Variants in ARHGEF38 observed in about 807,000 individuals in gnomAD.
ARHGEF38 encodes Rho guanine nucleotide exchange factor (GEF) 38.
Under a neutral mutation model 79.9 loss-of-function variants are expected in ARHGEF38, and 79 were observed. The ratio of observed to expected loss-of-function variants is 0.99; its 90% CI spans 0.82 to 1.19. ARHGEF38 has a LOEUF of 1.19. ARHGEF38 is among the 50% of genes most tolerant of loss of function. The pLI, the probability that ARHGEF38 is intolerant of heterozygous loss-of-function variation, is 0.00. For missense variants in ARHGEF38, 962 were observed against 907.2 expected (o/e 1.06, Z -0.78); for synonymous variants, 366 against 328.3 (o/e 1.11, Z -1.24).
chr4:105,633,038 T>C (rs1729258231), intron 4 of ARHGEF38: 1 of 152,808 alleles, frequency 6.5e-6, no homozygotes, highest in Non-Finnish European at 1.5e-5. Flanking sequence ...ACCCAATGGC[T>C]TATTTGGTCT....
intron 4 of ARHGEF38, among the ~76,000 whole-genome samples, chr4:105,635,113 TATA>T (rs1274333444): frequency 3.3e-5 from 5 of 152,148 alleles, no homozygotes; most frequent in Non-Finnish European, 7.4e-5. Flanking sequence ...TGAGTCAAAG[TATA>T]ATGTGTTCAT....
chr4:105,589,152 T>C (rs1266507751), intron 1 of ARHGEF38, 96 bp from the exon 2 acceptor site: 21 of 979,788 alleles, frequency 2.1e-5, no homozygotes, highest in Non-Finnish European at 3.1e-5. Context: ...TTCAGCCTTT[T>C]TCCTTGTTAA....
chr4:105,666,156 C>T, intron 10 of ARHGEF38, 21 bp from the exon 11 acceptor site: 2 of 1,499,394 alleles, frequency 1.3e-6, no homozygotes, highest in Non-Finnish European at 1.8e-6. Context: ...GGAAACAATG[C>T]CATATTATTT....
chr4:105,668,034 G>A (rs1730817846), intron 13 of ARHGEF38, among the ~76,000 whole-genome samples: 1 of 151,984 alleles, frequency 6.6e-6, no homozygotes, highest in Admixed American at 6.6e-5. Context: ...AAGAAAAGTA[G>A]TTCAATACTG....
At chr4:105,682,338 G>A (rs1055110921), downstream of ARHGEF38, 4 of 159,828 alleles carry the variant, frequency 2.5e-5, no homozygotes, top group Non-Finnish European at 4.1e-5. Context: ...CCCAGAATAC[G>A]GGGAGGAAAA....
intron 13 of ARHGEF38, among the ~76,000 whole-genome samples, chr4:105,676,955 G>A (rs1731144325): frequency 6.7e-6 from 1 of 150,086 alleles, no homozygotes; most frequent in Non-Finnish European, 1.5e-5. Flanking sequence ...TTTTGTTGTT[G>A]TTTTGTGTTT....
intron 2 of ARHGEF38, among the ~76,000 whole-genome samples, chr4:105,593,389 A>G (rs370716718): frequency 1.3e-5 from 2 of 151,966 alleles, no homozygotes; most frequent in South Asian, 2.1e-4. Flanking sequence ...TTAAAAAAAA[A>G]CAGCCAAGTG....
chr4:105,670,521 T>C (rs1730924247), intron 13 of ARHGEF38, among the ~76,000 whole-genome samples: 1 of 152,200 alleles, frequency 6.6e-6, no homozygotes, highest in African/African-American at 2.4e-5. Context: ...AAGAGTTCTT[T>C]ATAAACCTGA....
intron 3 of ARHGEF38, among the ~76,000 whole-genome samples, chr4:105,625,271 C>T (rs1020156134): frequency 6.6e-6 from 1 of 152,030 alleles, no homozygotes; most frequent in Non-Finnish European, 1.5e-5. Context: ...ATAGAGGGGG[C>T]CTTAACTCAT....
intron 1 of ARHGEF38, among the ~76,000 whole-genome samples, chr4:105,569,470 A>G (rs897715386): frequency 2.6e-5 from 4 of 152,214 alleles, no homozygotes; most frequent in Non-Finnish European, 4.4e-5. Context: ...GAAAAGAAAA[A>G]GAGGGAAAGC....
In ARHGEF38 at chr4:105,645,275, T is replaced by C. The variant is rs770390209; in HGVS notation, c.762T>C (p.Leu254=). The C allele has an allele frequency of 1.3e-6, 2 of 1,536,664 alleles. No homozygotes were observed. The highest frequency in any genetic ancestry group is 2.4e-5 in the South Asian group (2 of 84,046). The change falls in exon 6 of 14, where the codon CTT becomes CTC. Residue 254 remains leucine (L), a synonymous_variant. Transcript: ENST00000420470. ...AATACCCCCTATTACTGTGCGAACT[T>C]CGGAATTCCACCCCTCCCTCTCACC... is the stretch of plus-strand genomic sequence containing the variant. The part of the protein sequence containing the change: ...VMKYPLLLCE[L]RNSTPPSHPD...
At chr4:105,646,267 C>T (rs1016640885) in intron 6 of ARHGEF38, among the ~76,000 whole-genome samples, 5 of 151,670 alleles carry the variant, frequency 3.3e-5, no homozygotes, top group African/African-American at 7.3e-5. Flanking sequence ...AAGAAAACTC[C>T]GTGAACAAAA....
At chr4:105,599,342 C>T (rs1330736885) in intron 2 of ARHGEF38, among the ~76,000 whole-genome samples, 1 of 152,122 alleles carries the variant, frequency 6.6e-6, no homozygotes, top group Non-Finnish European at 1.5e-5. Flanking sequence ...TCAGAATCTG[C>T]TGGACCAAGT....
In ARHGEF38 at chr4:105,590,291, C is replaced by T. The variant is rs774871118; in HGVS notation, c.384+856C>T. Among the ~76,000 whole-genome samples, 3 of 152,048 alleles carry T rather than the reference C, an allele frequency of 2.0e-5. No homozygotes were observed. In the East Asian group the frequency reaches 5.8e-4, roughly 29 times the overall value. ...AGAATGGTCCAGGCAAAGTGGAATA[C>T]AAGGGCAAAGACTCCAAGGAGTGAT... is the stretch of plus-strand genomic sequence containing the variant. On this transcript the variant is annotated intron_variant, in intron 2 of 13. Coordinates refer to ENST00000420470, the MANE Select transcript of ARHGEF38 (RefSeq NM_001242729.2).
chr4:105,677,400 T>C (rs781695891), intron 13 of ARHGEF38, among the ~76,000 whole-genome samples: 2 of 152,206 alleles, frequency 1.3e-5, no homozygotes, highest in Non-Finnish European at 2.9e-5. Context: ...AGTAACATTG[T>C]TATGCAAAAA....
intron 8 of ARHGEF38, 146 bp downstream of exon 8, chr4:105,654,315 G>T: frequency 2.0e-6 from 1 of 494,584 alleles, no homozygotes; most frequent in Non-Finnish European, 3.5e-6. Flanking sequence ...GCAAACTGCT[G>T]GTAAAGGAAG....
intron 1 of ARHGEF38, among the ~76,000 whole-genome samples, chr4:105,574,021 T>C (rs1226974323): frequency 1.3e-5 from 2 of 152,208 alleles, no homozygotes; most frequent in Non-Finnish European, 2.9e-5. Context: ...GATTGTTCAT[T>C]GCTACTGTAT....
intron 10 of ARHGEF38, among the ~76,000 whole-genome samples, chr4:105,663,977 A>C (rs1013624722): frequency 2.6e-5 from 4 of 151,790 alleles, no homozygotes; most frequent in Non-Finnish European, 4.4e-5. Flanking sequence ...TCTCAAAAAA[A>C]AAAAAAACAA....
intron 1 of ARHGEF38, among the ~76,000 whole-genome samples, chr4:105,562,729 C>A (rs1256841463): frequency 6.6e-6 from 1 of 152,122 alleles, no homozygotes; most frequent in African/African-American, 2.4e-5. Context: ...CAAATTATTG[C>A]AGTAATGTAA....
Sources: gnomAD v4.1 joint callset for allele counts (sites outside exome capture counted in the v4.1 genomes callset) on GRCh38, gnomAD v4.1.1 for gene constraint, MANE v1.5 for transcripts, NCBI Gene and HGNC (gene_info 2026-07-23, HGNC 2026-07-21) for gene names.